The following COL13A1 variants were observed in gnomAD, a reference collection of about 807,000 sequenced individuals.
COL13A1 encodes the protein collagen type XIII alpha 1 chain.
COL13A1 carries 89 observed loss-of-function variants against 130.9 expected under a neutral mutation model. That is an observed-to-expected ratio of 0.68 (90% CI 0.57 to 0.81). The LOEUF (loss-of-function observed/expected upper bound fraction) is 0.81, where lower values mean the gene tolerates loss of function less well. COL13A1 is among the 30% of genes least tolerant of loss of function. COL13A1 has a pLI of 0.00. For synonymous variants in COL13A1, 402 were observed against 341.6 expected (o/e 1.18, Z -1.95); for missense variants, 879 against 934.6 (o/e 0.94, Z 0.78).
At chr10:69,862,858 G>A (rs941020171) in intron 2 of COL13A1, among the ~76,000 whole-genome samples, 3 of 152,204 alleles carry the variant, frequency 2.0e-5, no homozygotes, top group African/African-American at 4.8e-5. Flanking sequence ...TGGGCAGACC[G>A]AGTGAAATAA....
intron 30 of COL13A1, chr10:69,931,287 C>T (rs527339225): frequency 6.7e-6 from 3 of 449,778 alleles, no homozygotes; most frequent in African/African-American, 4.0e-5. Flanking sequence ...GTCAAGGTTG[C>T]CTGCAGGCAG....
chr10:69,889,845 G>A (rs925783383), intron 10 of COL13A1, among the ~76,000 whole-genome samples: 5 of 152,154 alleles, frequency 3.3e-5, no homozygotes, highest in East Asian at 3.8e-4. Context: ...AACCCCTTCC[G>A]GGTGCTGGCT....
chr10:69,895,250 G>A (rs549705929), intron 12 of COL13A1, among the ~76,000 whole-genome samples: 5 of 152,248 alleles, frequency 3.3e-5, no homozygotes, highest in East Asian at 3.9e-4. Flanking sequence ...TCAACCTTTC[G>A]CCAGGCATGG....
At chr10:69,825,550 A>G (rs915303372) in intron 2 of COL13A1, among the ~76,000 whole-genome samples, 7 of 151,894 alleles carry the variant, frequency 4.6e-5, no homozygotes, top group African/African-American at 1.7e-4. Context: ...CTTATCCCTC[A>G]CCCCACCCCA....
chr10:69,921,858 C>A, intron 21 of COL13A1, 24 bp from the exon 22 acceptor site: 1 of 1,597,314 alleles, frequency 6.3e-7, no homozygotes, highest in Non-Finnish European at 8.5e-7. Context: ...TCCTAACCCC[C>A]ACACTGTCTG....
chr10:69,898,859 C>A, intron 14 of COL13A1, 97 bp downstream of exon 14: 1 of 922,616 alleles, frequency 1.1e-6, no homozygotes, highest in Non-Finnish European at 1.6e-6. Flanking sequence ...CTCTCTAATT[C>A]AGTGAAATTA....
chr10:69,845,874 A>G (rs1344696344), intron 2 of COL13A1, among the ~76,000 whole-genome samples: 1 of 152,248 alleles, frequency 6.6e-6, no homozygotes, highest in Non-Finnish European at 1.5e-5. Flanking sequence ...CTTTTGCTCA[A>G]TGAGTTCAGA....
At chr10:69,906,833 T>C (rs2062808996) in intron 17 of COL13A1, among the ~76,000 whole-genome samples, 1 of 151,966 alleles carries the variant, frequency 6.6e-6, no homozygotes, top group Non-Finnish European at 1.5e-5. Context: ...CAGGTTCAAG[T>C]GATTCTCCTG....
At chr10:69,850,508 G>C (rs1189441489) in intron 2 of COL13A1, among the ~76,000 whole-genome samples, 2 of 150,792 alleles carry the variant, frequency 1.3e-5, no homozygotes, top group African/African-American at 4.9e-5. Context: ...TCTAATGCAG[G>C]GGCCTTCCAG....
At chr10:69,895,976 GT>G (rs2061596289) in intron 13 of COL13A1, among the ~76,000 whole-genome samples, 1 of 152,156 alleles carries the variant, frequency 6.6e-6, no homozygotes, top group East Asian at 1.9e-4. Flanking sequence ...GTGTGTGCGT[GT>G]GTGTGGCGGT....
chr10:69,868,269 G>C (rs2133991543), intron 3 of COL13A1, among the ~76,000 whole-genome samples: 1 of 152,316 alleles, frequency 6.6e-6, no homozygotes, highest in East Asian at 1.9e-4. Flanking sequence ...ACCCCTGAGT[G>C]GGGCAGCTCC....
intron 2 of COL13A1, among the ~76,000 whole-genome samples, chr10:69,837,770 T>A (rs73267739): frequency 0.011 from 1,716 of 151,866 alleles, 41 homozygotes; most frequent in African/African-American, 0.039. Context: ...CATGTTCCCG[T>A]GGAACGGCGA....
intron 24 of COL13A1, among the ~76,000 whole-genome samples, chr10:69,924,242 C>T (rs891124718): frequency 2.0e-5 from 3 of 152,196 alleles, no homozygotes; most frequent in Admixed American, 6.5e-5. Flanking sequence ...CTCCACGTCC[C>T]GTGAGCAGGT....
At chr10:69,905,763 A>C (rs1480014481) in intron 16 of COL13A1, 24 bp from the exon 17 acceptor site, 2 of 1,612,520 alleles carry the variant, frequency 1.2e-6, no homozygotes, top group African/African-American at 2.7e-5. Context: ...AACCTCTTTA[A>C]TGGCCTTCTC....
chr10:69,950,995 A>G (rs1030815562), intron 38 of COL13A1, among the ~76,000 whole-genome samples: 2 of 152,032 alleles, frequency 1.3e-5, no homozygotes, highest in Admixed American at 1.3e-4. Context: ...ATTACAGGCT[A>G]GTGCCACCAC....
intron 1 of COL13A1, among the ~76,000 whole-genome samples, chr10:69,818,824 A>G (rs772109995): frequency 4.6e-5 from 7 of 152,226 alleles, no homozygotes; most frequent in Non-Finnish European, 8.8e-5. Flanking sequence ...CCCACCCCCT[A>G]TGGTGAGGAC....
intron 2 of COL13A1, among the ~76,000 whole-genome samples, chr10:69,865,903 T>C (rs1464934117): frequency 2.6e-5 from 4 of 152,190 alleles, no homozygotes; most frequent in Admixed American, 2.6e-4. Context: ...TACCATTTAC[T>C]AGCTGCATGG....
intron 17 of COL13A1, among the ~76,000 whole-genome samples, chr10:69,913,135 C>A (rs1352524594): frequency 6.6e-6 from 1 of 152,230 alleles, no homozygotes; most frequent in East Asian, 1.9e-4. Context: ...TCCCTTCCTG[C>A]ATTGGTTCTT....
chr10:69,887,417 T>C (rs762802713), intron 7 of COL13A1, 39 bp from the exon 8 acceptor site: 2 of 1,606,480 alleles, frequency 1.2e-6, no homozygotes, highest in Admixed American at 3.4e-5. Context: ...TGTCTCCTCC[T>C]TGCTCAATCT....
Sources: gnomAD v4.1 joint callset for allele counts (sites outside exome capture counted in the v4.1 genomes callset) on GRCh38, gnomAD v4.1.1 for gene constraint, MANE v1.5 for transcripts, NCBI Gene and HGNC (gene_info 2026-07-23, HGNC 2026-07-21) for gene names.